The following BCAT1 variants were observed in gnomAD, a reference collection of about 807,000 sequenced individuals.
The protein encoded by BCAT1 is branched chain amino acid transaminase 1.
Under a neutral mutation model 52.4 loss-of-function variants are expected in BCAT1, and 48 were observed. The ratio of observed to expected loss-of-function variants is 0.92; its 90% CI spans 0.73 to 1.16. The LOEUF (loss-of-function observed/expected upper bound fraction) is 1.16. Among genes scored for constraint, BCAT1 ranks in the 50% most tolerant of loss-of-function variants. The pLI is 0.00. For synonymous variants in BCAT1, 167 were observed against 161.3 expected (o/e 1.04, Z -0.27); for missense variants, 451 against 457.1 (o/e 0.99, Z 0.12).
intron 4 of BCAT1, among the ~76,000 whole-genome samples, chr12:24,880,644 G>A (rs187559964): frequency 2.0e-5 from 3 of 152,118 alleles, no homozygotes; most frequent in East Asian, 1.9e-4. Context: ...CAAAATATCC[G>A]CAAAATACCT....
intron 1 of BCAT1, among the ~76,000 whole-genome samples, chr12:24,909,861 C>T (rs887422535): frequency 2.0e-5 from 3 of 152,098 alleles, no homozygotes; most frequent in Non-Finnish European, 4.4e-5. Context: ...ATAAATAGCC[C>T]AAATCACATG....
chr12:24,891,761 T>A (rs1480928565), intron 3 of BCAT1, among the ~76,000 whole-genome samples: 2 of 152,068 alleles, frequency 1.3e-5, no homozygotes, highest in South Asian at 2.1e-4. Context: ...TTTGTTTTTT[T>A]TTTTTGAGAT....
At chr12:24,924,073 A>C (rs747762520) in intron 1 of BCAT1, among the ~76,000 whole-genome samples, 2 of 151,878 alleles carry the variant, frequency 1.3e-5, no homozygotes, top group Non-Finnish European at 2.9e-5. Flanking sequence ...TATGTCGATA[A>C]TATACATTCT....
intron 5 of BCAT1, among the ~76,000 whole-genome samples, chr12:24,876,950 A>C (rs547991603): frequency 1.9e-4 from 29 of 152,152 alleles, no homozygotes; most frequent in Admixed American, 5.9e-4. Flanking sequence ...CCTGGAACTT[A>C]AAAGCTGAAA....
rs1432539928 is a variant in BCAT1, at chr12:24,894,302, G to A, written c.252C>T (p.Gly84=). ...KPLQNLSLHP[G]SSALHYAVEL... is the part of the protein sequence containing the mutation. ...CCACTGCATAGTGCAAAGCTGATGAGCCAGGGTGCAATGACAGGTTCTGAA... is the reference window on the plus strand; with the variant it reads ...CCACTGCATAGTGCAAAGCTGATGAACCAGGGTGCAATGACAGGTTCTGAA... The change falls in exon 3 of 11, where the codon GGC becomes GGT. Residue 84 remains glycine, a synonymous_variant. Coordinates refer to ENST00000261192, the MANE Select transcript of BCAT1 (RefSeq NM_005504.7). 1.2e-6 allele frequency: 2 copies of A among 1,613,832 alleles called. No homozygotes were observed. Among genetic ancestry groups the A allele is most frequent in the Non-Finnish European group, 8.5e-7 (1 of 1,179,888 alleles).
chr12:24,903,342 G>A (rs771996245), intron 1 of BCAT1: 32 of 242,302 alleles, frequency 1.3e-4, no homozygotes, highest in South Asian at 1.7e-4. Flanking sequence ...CAACCTCTAG[G>A]TGAATGGCCG....
At chr12:24,939,005 CT>C (rs1288824583) in intron 1 of BCAT1, among the ~76,000 whole-genome samples, 1 of 152,142 alleles carries the variant, frequency 6.6e-6, no homozygotes, top group Admixed American at 6.6e-5. Context: ...TGCCCAGTAG[CT>C]GGGATTGCAG....
chr12:24,867,656 T>C (rs765187941), intron 5 of BCAT1, among the ~76,000 whole-genome samples: 3 of 152,090 alleles, frequency 2.0e-5, no homozygotes, highest in Non-Finnish European at 2.9e-5. Context: ...CAAGTCAATG[T>C]TTTCTTGCAA....
intron 1 of BCAT1, among the ~76,000 whole-genome samples, chr12:24,932,865 G>A (rs1943696015): frequency 6.6e-6 from 1 of 152,086 alleles, no homozygotes; most frequent in South Asian, 2.1e-4. Flanking sequence ...AGGCTGGAGT[G>A]CAGTGGCGCA....
In BCAT1 at chr12:24,832,924, C is replaced by A. The variant is rs748330927; in HGVS notation, c.904-61G>T. On this transcript the variant is annotated intron_variant, in intron 8 of 10. Coordinates refer to ENST00000261192, the MANE Select transcript of BCAT1 (RefSeq NM_005504.7). ...AAGGAAAAGGCATGCAAAACAATTG[C>A]AATACTTACTGTTCTGCTTAACATT... The A allele has an allele frequency of 4.1e-6, 6 of 1,470,666 alleles. No homozygotes were observed. The African/African-American group carries it at 5.6e-5, about 14-fold the overall frequency. The allele number at this position is 1,470,666 out of a possible 1,614,324, so 91.1% of individuals were successfully genotyped here.
At chr12:24,878,920 A>T (rs989608621) in intron 4 of BCAT1, among the ~76,000 whole-genome samples, 1 of 152,168 alleles carries the variant, frequency 6.6e-6, no homozygotes, top group Admixed American at 6.5e-5. Context: ...AAAAAATTTT[A>T]AAGTAATAAT....
rs1419225940 is a variant in BCAT1 at position 24,811,963 on chromosome 12, G to A, written c.*6045C>T. 6.6e-6 allele frequency: 1 copy of A among 152,070 alleles called. No homozygotes were observed. Among genetic ancestry groups the A allele is most frequent in the African/African-American group, 2.4e-5 (1 of 41,430 alleles). The allele number at this position is 152,070 out of a possible 1,614,324, so 9.4% of individuals were successfully genotyped here. A position where few individuals can be genotyped will look rare whatever the true frequency, so the allele number is the denominator to read the frequency against. On this transcript the variant is annotated 3_prime_UTR_variant, in exon 11 of 11. Transcript: ENST00000261192. ...AAGCGCAAATCCTTAAAAACAGTGG[G>A]TTGAGCCCCAGCTCCATGTATTAGG...
intron 3 of BCAT1, among the ~76,000 whole-genome samples, chr12:24,882,439 G>A (rs1286169923): frequency 6.6e-6 from 1 of 152,086 alleles, no homozygotes; most frequent in Non-Finnish European, 1.5e-5. Flanking sequence ...AAAATTAGAT[G>A]TTGTATTTAA....
At chr12:24,818,587 T>A (rs1939976718) in intron 10 of BCAT1, among the ~76,000 whole-genome samples, 1 of 152,172 alleles carries the variant, frequency 6.6e-6, no homozygotes, top group South Asian at 2.1e-4. Context: ...GATTCCGACA[T>A]GCACTAAAGA....
chr12:24,864,189 A>ACAGGATGGTTATTATCGCAC (rs1414870923), intron 5 of BCAT1, among the ~76,000 whole-genome samples: 13 of 152,216 alleles, frequency 8.5e-5, no homozygotes, highest in Non-Finnish European at 1.5e-4. Flanking sequence ...AGAAAATGCT[A>ACAGGATGGTTATTATCGCAC]CAGGATGGTT....
At chr12:24,910,309 G>A (rs951370865) in intron 1 of BCAT1, among the ~76,000 whole-genome samples, 2 of 151,934 alleles carry the variant, frequency 1.3e-5, no homozygotes, top group African/African-American at 4.8e-5. Flanking sequence ...CCCAGGAGGT[G>A]GAGGTTGCAG....
chr12:24,894,526 T>G, intron 2 of BCAT1, 51 bp from the exon 3 acceptor site: 1 of 1,444,106 alleles, frequency 6.9e-7, no homozygotes, highest in Non-Finnish European at 9.5e-7. Flanking sequence ...GAGCATTCGC[T>G]GGCTAGATTA....
intron 1 of BCAT1, among the ~76,000 whole-genome samples, chr12:24,932,034 G>T (rs1025658606): frequency 2.0e-5 from 3 of 152,152 alleles, no homozygotes; most frequent in African/African-American, 7.2e-5. Flanking sequence ...ACATTGAGAG[G>T]CTGTCAGGAA....
At chr12:24,856,249 CT>C (rs1187970084) in intron 5 of BCAT1, among the ~76,000 whole-genome samples, 1 of 152,146 alleles carries the variant, frequency 6.6e-6, no homozygotes, top group Non-Finnish European at 1.5e-5. Flanking sequence ...GTGAAATAGC[CT>C]TCACCCTCTA....
Sources: allele counts gnomAD v4.1 joint callset (sites outside exome capture counted in the v4.1 genomes callset), GRCh38; gene constraint gnomAD v4.1.1; transcripts MANE v1.5; gene names NCBI Gene and HGNC (gene_info 2026-07-23, HGNC 2026-07-21).